CHRNB3: variants seen among roughly 807,000 people sequenced by gnomAD.
The protein encoded by CHRNB3 is cholinergic receptor nicotinic beta 3 subunit.
CHRNB3 carries 37 observed loss-of-function variants against 40.6 expected under a neutral mutation model. The observed-to-expected ratio is 0.91, with a 90% CI of 0.70 to 1.20. The LOEUF (loss-of-function observed/expected upper bound fraction) is 1.20, where lower values mean the gene tolerates loss of function less well. Ranked by LOEUF, CHRNB3 falls within the 50% of genes most tolerant of loss-of-function variation. The pLI is 0.00. For missense variants in CHRNB3, 505 were observed against 551.2 expected (o/e 0.92, Z 0.84); for synonymous variants, 207 against 207.1 (o/e 1.00, Z 0.00).
chr8:42,722,393 G>T (rs1366257000), intron 3 of CHRNB3, among the ~76,000 whole-genome samples: 1 of 150,718 alleles, frequency 6.6e-6, no homozygotes, highest in East Asian at 1.9e-4. Context: ...AAAAAAAAAA[G>T]ATCTCTTGGT....
At chr8:42,703,458 A>ATATATATATG (rs1563606411) in intron 1 of CHRNB3, among the ~76,000 whole-genome samples, 8 of 123,784 alleles carry the variant, frequency 6.5e-5, no homozygotes, top group African/African-American at 2.1e-4. Context: ...ATATATATAT[A>ATATATATATG]TATGTATCCA....
chr8:42,721,722 CAAACAAAACA>C lies in CHRNB3; in HGVS notation c.250-8841_250-8832del, dbSNP rs71231864. The C allele has an allele frequency of 3.0e-3, 451 of 148,808 alleles. 5 individuals carry two copies. Among genetic ancestry groups the C allele is most frequent in the African/African-American group, 8.4e-3 (336 of 40,108 alleles). The allele number at this position is 148,808 out of a possible 1,614,324, so 9.2% of individuals were successfully genotyped here. A position where few individuals can be genotyped will look rare whatever the true frequency, so the allele number is the denominator to read the frequency against. On this transcript the variant is annotated intron_variant, in intron 3 of 5. Transcript: ENST00000289957. ...TGGACAAAAGAGCGAGACTCTGTCT[CAAACAAAACA>C]AAACAAAACAAAACAAAACAAAACA...
chr8:42,731,151 T>A (rs973236620), intron 4 of CHRNB3, among the ~76,000 whole-genome samples: 1 of 152,078 alleles, frequency 6.6e-6, no homozygotes, highest in African/African-American at 2.4e-5. Context: ...TTTGGTCAGA[T>A]TAACACTAGG....
chr8:42,706,922 G>A lies in CHRNB3; in HGVS notation c.53-1795G>A, dbSNP rs181092580. On this transcript the variant is annotated intron_variant, in intron 1 of 5. Transcript: ENST00000289957. ...ACTATAGGGGTGTGCCACCATGCCC[G>A]GCTAATTTTTTTATTTTTGTAATAC... 6.3e-3 allele frequency among the ~76,000 whole-genome samples: 953 copies of A among 152,058 alleles called. 6 individuals carry two copies. Among genetic ancestry groups the A allele is most frequent in the Non-Finnish European group, 9.9e-3 (673 of 67,966 alleles).
chr8:42,724,366 A>T (rs1250899774), intron 3 of CHRNB3, among the ~76,000 whole-genome samples: 1 of 152,198 alleles, frequency 6.6e-6, no homozygotes, highest in Non-Finnish European at 1.5e-5. Context: ...CAAGGCAAGG[A>T]TATCCTACTT....
chr8:42,731,211 T>A (rs563325025), intron 4 of CHRNB3, among the ~76,000 whole-genome samples: 11 of 152,274 alleles, frequency 7.2e-5, no homozygotes, highest in South Asian at 2.1e-4. Flanking sequence ...TATTCAATTT[T>A]AAATAAAAAA....
At chr8:42,699,273 TTG>T (rs1815734730) in intron 1 of CHRNB3, 3 of 152,196 alleles carry the variant, frequency 2.0e-5, no homozygotes, top group Admixed American at 6.5e-5. Flanking sequence ...ATTTCATATT[TTG>T]TGTGTGCTAT....
At position 42,731,978 on chromosome 8, in the gene CHRNB3, C is replaced by A. The variant is rs1451548832; in HGVS notation, c.671C>A (p.Thr224Lys). Reference protein sequence around the residue: ...RDGVYSYPFITYSFVLRRLPL... With the variant: ...RDGVYSYPFIKYSFVLRRLPL... ...GGCGTGTACTCCTATCCCTTTATCA[C>A]GTATTCCTTCGTCCTGAGACGCCTG... The change falls in exon 5 of 6, where the codon ACG becomes AAG. Residue 224 changes from threonine (T) to lysine (K), a missense_variant. Coordinates refer to ENST00000289957, the MANE Select transcript of CHRNB3 (RefSeq NM_000749.5). 6.2e-7 allele frequency: 1 copy of A among 1,614,062 alleles called. No individual in the cohort carries two copies. Among genetic ancestry groups the A allele is most frequent in the East Asian group, 2.2e-5 (1 of 44,890 alleles).
chr8:42,730,692 T>C lies in CHRNB3; in HGVS notation c.348T>C (p.Val116=), dbSNP rs149613797. 3 of 1,591,160 alleles carry C rather than the reference T, an allele frequency of 1.9e-6. No individual in the cohort carries two copies. Residue 116 remains valine (V), a synonymous_variant, in exon 4 of 6, where the codon GTT becomes GTC. Coordinates refer to ENST00000289957, the MANE Select transcript of CHRNB3 (RefSeq NM_000749.5). ...PSESLWLPDI[V]LFENADGRFE... The stretch of plus-strand genomic sequence containing the variant: ...AATCTCTGTGGCTTCCTGACATAGT[T>C]CTCTTTGAAAAGTAAGTATCACATT...
At chr8:42,720,949 T>A (rs1184277164) in intron 3 of CHRNB3, among the ~76,000 whole-genome samples, 1 of 152,246 alleles carries the variant, frequency 6.6e-6, no homozygotes, top group Non-Finnish European at 1.5e-5. Flanking sequence ...GGAAGGAAAC[T>A]GGATCCAAGA....
chr8:42,701,226 C>CAAAAAAAAAAAAAAAAAAAAAAAAAAA (rs58800727), intron 1 of CHRNB3, among the ~76,000 whole-genome samples: 2 of 71,460 alleles, frequency 2.8e-5, no homozygotes, highest in African/African-American at 4.5e-5. Context: ...GACTCTGTCT[C>CAAAAAAAAAAAAAAAAAAAAAAAAAAA]AAAAAAAAAA....
At chr8:42,724,620 G>A (rs1345050638) in intron 3 of CHRNB3, among the ~76,000 whole-genome samples, 1 of 152,114 alleles carries the variant, frequency 6.6e-6, no homozygotes, top group African/African-American at 2.4e-5. Context: ...AGAAGATGCA[G>A]CAAAGCAGGA....
chr8:42,711,932 TC>T (rs976789053), intron 3 of CHRNB3, among the ~76,000 whole-genome samples: 1 of 152,064 alleles, frequency 6.6e-6, no homozygotes, highest in African/African-American at 2.4e-5. Flanking sequence ...GTTGTTTAGC[TC>T]CCACTTCTAA....
At chr8:42,718,400 A>G (rs62518189) in intron 3 of CHRNB3, among the ~76,000 whole-genome samples, 8,723 of 151,754 alleles carry the variant, frequency 0.057, 343 homozygotes, top group Middle Eastern at 0.11. Context: ...TTGGCCGAGC[A>G]TGGTGGCTCA....
At chr8:42,724,886 G>A (rs1004789302) in intron 3 of CHRNB3, among the ~76,000 whole-genome samples, 1 of 151,702 alleles carries the variant, frequency 6.6e-6, no homozygotes, top group African/African-American at 2.4e-5. Context: ...GGAGACTGAG[G>A]TGGGAGAACT....
intron 3 of CHRNB3, among the ~76,000 whole-genome samples, chr8:42,724,701 G>A (rs573174396): frequency 8.0e-4 from 122 of 152,222 alleles, no homozygotes; most frequent in Middle Eastern, 3.4e-3. Flanking sequence ...GGAATTGGCC[G>A]GGCGCGGTGG....
intron 3 of CHRNB3, among the ~76,000 whole-genome samples, chr8:42,725,051 A>G (rs561447943): frequency 4.2e-4 from 64 of 151,778 alleles, no homozygotes; most frequent in African/African-American, 1.5e-3. Flanking sequence ...GGTGCTTGCC[A>G]TGAACATAAG....
rs1020891144 is a variant in CHRNB3, at chr8:42,730,715, A to G, written c.359+12A>G. The G allele has an allele frequency of 2.0e-6, 3 of 1,503,392 alleles. No homozygotes were observed. Among genetic ancestry groups the G allele is most frequent in the Non-Finnish European group, 2.7e-6 (3 of 1,092,664 alleles). The allele number at this position is 1,503,392 out of a possible 1,614,324, so 93.1% of individuals were successfully genotyped here. A position where few individuals can be genotyped will look rare whatever the true frequency, so the allele number is the denominator to read the frequency against. The stretch of plus-strand genomic sequence containing the variant: ...GTTCTCTTTGAAAAGTAAGTATCAC[A>G]TTGTTTCTTACTTATGGGGAAAAAA... On this transcript the variant is annotated intron_variant, in intron 4 of 5. Coordinates refer to ENST00000289957, the MANE Select transcript of CHRNB3 (RefSeq NM_000749.5).
At chr8:42,736,105 T>TC (rs550325961) in intron 5 of CHRNB3, among the ~76,000 whole-genome samples, 393 of 152,034 alleles carry the variant, frequency 2.6e-3, no homozygotes, top group African/African-American at 9.2e-3. Context: ...CCTCAGGTGA[T>TC]CCCCCCACCC....
Sources: gnomAD v4.1 joint callset for allele counts (sites outside exome capture counted in the v4.1 genomes callset) on GRCh38, gnomAD v4.1.1 for gene constraint, MANE v1.5 for transcripts, NCBI Gene and HGNC (gene_info 2026-07-23, HGNC 2026-07-21) for gene names.